Variants in WWOX observed in about 807,000 individuals in gnomAD.
The protein encoded by WWOX is WW domain-containing oxidoreductase.
WWOX carries 69 observed loss-of-function variants against 46.2 expected under a neutral mutation model. The observed-to-expected ratio is 1.49, with a 90% CI of 1.23 to 1.82. WWOX has a LOEUF of 1.82. Ranked by LOEUF, WWOX falls within the 40% of genes most tolerant of loss-of-function variation. The pLI, the probability that WWOX is intolerant of heterozygous loss-of-function variation, is 0.00. For missense variants in WWOX, 919 were observed against 542.6 expected, an observed-to-expected ratio of 1.69 and a Z score of -6.89; for synonymous variants, 359 against 202.6, an observed-to-expected ratio of 1.77 and a Z score of -6.56.
At chr16:79,002,131 G>C (rs764761472) in intron 8 of WWOX, among the ~76,000 whole-genome samples, 5 of 146,364 alleles carry the variant, frequency 3.4e-5, no homozygotes, top group Non-Finnish European at 7.5e-5. Flanking sequence ...CGATGAATGA[G>C]TTTTAATGCA....
chr16:78,377,376 TA>T (rs753294665), intron 5 of WWOX, among the ~76,000 whole-genome samples: 1 of 152,242 alleles, frequency 6.6e-6, no homozygotes, highest in Non-Finnish European at 1.5e-5. Context: ...TTATTTCAGC[TA>T]TTTTATATGC....
chr16:78,999,187 T>G, intron 8 of WWOX, among the ~76,000 whole-genome samples: 1 of 151,318 alleles, frequency 6.6e-6, no homozygotes. Flanking sequence ...GATGGCTGCA[T>G]CAGCCAGGGG....
chr16:78,120,679 T>G (rs1425635746), intron 4 of WWOX, among the ~76,000 whole-genome samples: 1 of 152,198 alleles, frequency 6.6e-6, no homozygotes, highest in Non-Finnish European at 1.5e-5. Flanking sequence ...TTTTAAAACT[T>G]AGGGTCTTGT....
chr16:78,948,179 G>C (rs2045985365), intron 8 of WWOX, among the ~76,000 whole-genome samples: 1 of 152,176 alleles, frequency 6.6e-6, no homozygotes, highest in African/African-American at 2.4e-5. Context: ...TCCGTGGTTT[G>C]TCAGGACATT....
At chr16:78,334,098 C>T (rs1597496577) in intron 5 of WWOX, among the ~76,000 whole-genome samples, 2 of 152,090 alleles carry the variant, frequency 1.3e-5, no homozygotes, top group East Asian at 3.9e-4. Flanking sequence ...AGATTTGATT[C>T]CCCCTTTACT....
chr16:78,623,650 C>T (rs918826481), intron 8 of WWOX, among the ~76,000 whole-genome samples: 1 of 151,394 alleles, frequency 6.6e-6, no homozygotes, highest in African/African-American at 2.4e-5. Flanking sequence ...GGGACATTAA[C>T]CAAGTTGTGA....
At chr16:78,904,300 A>G (rs565559250) in intron 8 of WWOX, among the ~76,000 whole-genome samples, 13 of 132,578 alleles carry the variant, frequency 9.8e-5, no homozygotes, top group African/African-American at 3.8e-4. Flanking sequence ...GTGCACTGGC[A>G]TGATCTCGGC....
intron 8 of WWOX, among the ~76,000 whole-genome samples, chr16:78,865,847 C>G (rs1384546541): frequency 2.6e-5 from 4 of 152,314 alleles, no homozygotes; most frequent in South Asian, 2.1e-4. Context: ...CCACCGCACT[C>G]CAGCCTGGGC....
At chr16:78,985,615 A>T (rs190359428) in intron 8 of WWOX, among the ~76,000 whole-genome samples, 165 of 152,322 alleles carry the variant, frequency 1.1e-3, no homozygotes, top group African/African-American at 3.8e-3. Flanking sequence ...CTAAAAATAC[A>T]AAAATTAGCT....
chr16:78,353,785 G>T lies in WWOX; in HGVS notation c.517-33075G>T, dbSNP rs1377167268. Among the ~76,000 whole-genome samples, 4 of 152,246 alleles carry T rather than the reference G, an allele frequency of 2.6e-5. No homozygotes were observed. The South Asian group carries it at 6.2e-4, about 24-fold the overall frequency. ...TCAGAGCCACATCACCTGCAGGCAG[G>T]ATCTGCAAGGTCAGCAGTTAGCGTC... On this transcript the variant is annotated intron_variant, in intron 5 of 8. Transcript: ENST00000566780.
At chr16:78,814,291 C>T (rs539846557) in intron 8 of WWOX, among the ~76,000 whole-genome samples, 4 of 152,204 alleles carry the variant, frequency 2.6e-5, no homozygotes, top group Admixed American at 6.5e-5. Context: ...CCTCTTGTTC[C>T]TTTTTATCCT....
intron 5 of WWOX, among the ~76,000 whole-genome samples, chr16:78,322,013 A>G (rs971278575): frequency 1.1e-4 from 17 of 152,324 alleles, no homozygotes; most frequent in African/African-American, 4.1e-4. Flanking sequence ...AGTGCATGAG[A>G]ACAGCAGCTA....
chr16:78,761,524 A>T (rs540909917), intron 8 of WWOX, among the ~76,000 whole-genome samples: 1 of 152,104 alleles, frequency 6.6e-6, no homozygotes, highest in Non-Finnish European at 1.5e-5. Flanking sequence ...TTCTCTGCTC[A>T]TCTACCCTGA....
At chr16:78,261,776 C>CTATATATATATATATATA (rs1420854261) in intron 5 of WWOX, among the ~76,000 whole-genome samples, 1 of 38,372 alleles carries the variant, frequency 2.6e-5, no homozygotes, top group African/African-American at 1.8e-4. Context: ...ATCTATGTAT[C>CTATATATATATATATATA]TATCTATCTA....
intron 4 of WWOX, among the ~76,000 whole-genome samples, chr16:78,142,783 T>G (rs2034031910): frequency 6.6e-6 from 1 of 151,922 alleles, no homozygotes; most frequent in Middle Eastern, 3.4e-3. Flanking sequence ...TCCACTTATT[T>G]AAACAAGATA....
chr16:78,334,806 A>ACGCG (rs144097796), intron 5 of WWOX, among the ~76,000 whole-genome samples: 32 of 130,768 alleles, frequency 2.4e-4, no homozygotes, highest in African/African-American at 5.4e-4. Flanking sequence ...ACACACACAC[A>ACGCG]CGCACACACA....
intron 8 of WWOX, among the ~76,000 whole-genome samples, chr16:78,621,200 T>G (rs568316059): frequency 6.6e-6 from 1 of 152,292 alleles, no homozygotes; most frequent in East Asian, 1.9e-4. Flanking sequence ...TGCGAAACAT[T>G]AAAGTTAATG....
At chr16:78,496,686 C>T (rs1323294918) in intron 8 of WWOX, among the ~76,000 whole-genome samples, 2 of 152,162 alleles carry the variant, frequency 1.3e-5, no homozygotes, top group Non-Finnish European at 2.9e-5. Context: ...TTCAGGTGTC[C>T]CTTTAGACAA....
intron 8 of WWOX, among the ~76,000 whole-genome samples, chr16:78,539,647 G>C (rs965709074): frequency 3.3e-5 from 5 of 152,192 alleles, no homozygotes; most frequent in African/African-American, 1.2e-4. Flanking sequence ...ATGTGTGTGT[G>C]CAAATTGTAC....
Sources: allele counts gnomAD v4.1 joint callset (sites outside exome capture counted in the v4.1 genomes callset), GRCh38; gene constraint gnomAD v4.1.1; transcripts MANE v1.5; gene names NCBI Gene and HGNC (gene_info 2026-07-23, HGNC 2026-07-21).